PUDP: variants seen among roughly 807,000 people sequenced by gnomAD.
The protein encoded by PUDP is pseudouridine 5'-phosphatase, also known as pseudouridine-5'-phosphatase.
In PUDP, 8 loss-of-function variants were observed where a neutral mutation model predicts 9.4. The ratio of observed to expected loss-of-function variants is 0.85; its 90% CI spans 0.50 to 1.53. PUDP has a LOEUF of 1.53. Ranked by LOEUF, PUDP falls within the 40% of genes most tolerant of loss-of-function variation. The pLI, the probability that PUDP is intolerant of heterozygous loss-of-function variation, is 0.00. For missense variants in PUDP, 188 were observed against 189.7 expected (o/e 0.99, Z 0.05); for synonymous variants, 99 against 80.7 (o/e 1.23, Z -1.22).
At chrX:6,719,148 T>C (rs954580979) in intron 1 of PUDP, among the ~76,000 whole-genome samples, 2 of 111,442 alleles carry the variant, frequency 1.8e-5, no homozygotes, top group East Asian at 2.8e-4. Context: ...ATTTATTCTC[T>C]TATGCTCTGG....
intron 3 of PUDP, among the ~76,000 whole-genome samples, chrX:6,744,952 A>G (rs1277739059): frequency 3.6e-5 from 4 of 112,241 alleles, no homozygotes; most frequent in Non-Finnish European, 7.5e-5. Context: ...TCAACGAGTT[A>G]GATTGGCGAA....
intron 3 of PUDP, among the ~76,000 whole-genome samples, chrX:6,879,455 C>A (rs1289965753): frequency 9.0e-6 from 1 of 111,439 alleles, no homozygotes; most frequent in African/African-American, 3.3e-5. Context: ...CACACACACA[C>A]ACACACACAC....
At chrX:7,057,466 A>C (rs763461719) in intron 3 of PUDP, 929 of 379,825 alleles carry the variant, frequency 2.4e-3, no homozygotes, top group South Asian at 4.3e-3. Flanking sequence ...AGCAATGAAT[A>C]AAAATGGATG....
chrX:6,746,580 C>T (rs1429599115), intron 3 of PUDP, among the ~76,000 whole-genome samples: 2 of 110,226 alleles, frequency 1.8e-5, no homozygotes, highest in African/African-American at 6.6e-5. Context: ...CCCCATCCCC[C>T]AACAGGCCCC....
intron 3 of PUDP, among the ~76,000 whole-genome samples, chrX:6,771,150 T>C (rs920788085): frequency 4.5e-5 from 5 of 111,455 alleles, no homozygotes; most frequent in Non-Finnish European, 9.4e-5. Context: ...CTCAGAGCCC[T>C]GGGGAATTGC....
intron 3 of PUDP, among the ~76,000 whole-genome samples, chrX:6,799,843 A>T (rs1042242449): frequency 3.6e-5 from 4 of 111,645 alleles, no homozygotes; most frequent in Non-Finnish European, 5.6e-5. Context: ...TCTCAAAAAA[A>T]ATAATAAAAA....
intron 3 of PUDP, among the ~76,000 whole-genome samples, chrX:6,843,265 T>C (rs1353210818): frequency 3.6e-5 from 4 of 111,850 alleles, no homozygotes; most frequent in Non-Finnish European, 7.5e-5. Flanking sequence ...CTTGGGAATG[T>C]AAGACATAAT....
intron 1 of PUDP, among the ~76,000 whole-genome samples, chrX:6,995,733 AAAAAAT>A (rs1260935537): frequency 9.2e-6 from 1 of 108,997 alleles, no homozygotes; most frequent in Non-Finnish European, 1.9e-5. Context: ...CAAAAACAAT[AAAAAAT>A]AAAAATAAAA....
chrX:7,139,975 A>G (rs749247109), intron 1 of PUDP, among the ~76,000 whole-genome samples: 17 of 112,251 alleles, frequency 1.5e-4, no homozygotes, highest in Non-Finnish European at 2.8e-4. Flanking sequence ...AAAGGACACA[A>G]GGGAGACAGA....
chrX:6,888,741 T>C (rs1456650170), intron 3 of PUDP, among the ~76,000 whole-genome samples: 1 of 112,012 alleles, frequency 8.9e-6, no homozygotes, highest in East Asian at 2.8e-4. Flanking sequence ...TGACAGTGTC[T>C]GGCATCCTCA....
chrX:7,072,616 C>T (rs950529539), intron 3 of PUDP, among the ~76,000 whole-genome samples: 1 of 109,762 alleles, frequency 9.1e-6, no homozygotes, highest in African/African-American at 3.3e-5. Flanking sequence ...GAATTCAAGA[C>T]CAGCCTGGCC....
intron 3 of PUDP, among the ~76,000 whole-genome samples, chrX:6,772,074 C>T (rs1925372630): frequency 8.9e-6 from 1 of 111,982 alleles, no homozygotes; most frequent in African/African-American, 3.2e-5. Flanking sequence ...TTTTTTCCCT[C>T]AGTAAAATCT....
chrX:7,092,364 A>C (rs1306111900), intron 2 of PUDP, among the ~76,000 whole-genome samples: 1 of 113,009 alleles, frequency 8.8e-6, no homozygotes, highest in Admixed American at 9.3e-5. Flanking sequence ...GAATACTTTA[A>C]GTTATAGTAA....
At chrX:6,981,919 C>T (rs972188994) in intron 1 of PUDP, among the ~76,000 whole-genome samples, 10 of 109,393 alleles carry the variant, frequency 9.1e-5, no homozygotes, top group Non-Finnish European at 1.7e-4. Context: ...TCCAGGCCTT[C>T]ATGGTGACTG....
intron 3 of PUDP, among the ~76,000 whole-genome samples, chrX:6,953,641 C>T (rs149296359): frequency 2.2e-4 from 25 of 111,156 alleles, no homozygotes; most frequent in Middle Eastern, 4.6e-3. Flanking sequence ...TGCACGGACA[C>T]ACTCCTACAG....
intron 1 of PUDP, among the ~76,000 whole-genome samples, chrX:6,710,760 C>A (rs1315691183): frequency 9.0e-6 from 1 of 111,728 alleles, no homozygotes; most frequent in African/African-American, 3.3e-5. Context: ...AACTGTGTGC[C>A]AAAGGTCTGG....
At chrX:6,903,852 CTGAG>C (rs1927727095) in intron 3 of PUDP, among the ~76,000 whole-genome samples, 1 of 110,184 alleles carries the variant, frequency 9.1e-6, no homozygotes, top group African/African-American at 3.3e-5. Context: ...TGCTCACTAC[CTGAG>C]TAACAAGGTC....
chrX:6,735,565 A>G (rs949647571), intron 3 of PUDP, among the ~76,000 whole-genome samples: 1 of 112,245 alleles, frequency 8.9e-6, no homozygotes, highest in Non-Finnish European at 1.9e-5. Context: ...AGAAGCTACA[A>G]TGTTTCACAT....
chrX:6,720,133 TAC>T (rs1224961928), intron 1 of PUDP, among the ~76,000 whole-genome samples: 29 of 104,752 alleles, frequency 2.8e-4, no homozygotes, highest in African/African-American at 9.7e-4. Flanking sequence ...TATATATATA[TAC>T]GTGTGTATAT....
Sources: allele counts gnomAD v4.1 joint callset (sites outside exome capture counted in the v4.1 genomes callset), GRCh38; gene constraint gnomAD v4.1.1; transcripts MANE v1.5; gene names NCBI Gene and HGNC (gene_info 2026-07-23, HGNC 2026-07-21).